Variants in CDH2 observed in about 807,000 individuals in gnomAD.
CDH2 encodes cadherin 2, also known as cadherin-2.
A neutral mutation model predicts 92.0 loss-of-function variants in CDH2; 17 were observed. The ratio of observed to expected loss-of-function variants is 0.18; its 90% CI spans 0.13 to 0.28. CDH2 has a LOEUF of 0.28. Ranked by LOEUF, CDH2 falls within the 10% of genes least tolerant of loss-of-function variation. CDH2 has a pLI of 1.00. For synonymous variants in CDH2, 419 were observed against 415.9 expected (o/e 1.01, Z -0.09); for missense variants, 862 against 1,133.1 (o/e 0.76, Z 3.44).
downstream of CDH2, among the ~76,000 whole-genome samples, chr18:27,949,472 C>T (rs1368181434): frequency 1.3e-5 from 2 of 151,380 alleles, no homozygotes; most frequent in Non-Finnish European, 3.0e-5. Flanking sequence ...GGAAATGGTT[C>T]AATAAAACTA....
chr18:27,947,126 C>T (rs547791843), downstream of CDH2, among the ~76,000 whole-genome samples: 3 of 151,486 alleles, frequency 2.0e-5, no homozygotes, highest in South Asian at 2.1e-4. Flanking sequence ...CATTAATTGC[C>T]GTTATGATTG....
In CDH2 at chr18:27,952,172, T is replaced by C. The variant is rs1909488146; in HGVS notation, c.2702A>G (p.Tyr901Cys). ...TGAAGTTCAGTCATCACCTCCACCA[T>C]ACATGTCAGCAAGTTTCTTGAACCG... is the stretch of plus-strand genomic sequence containing the variant. Reference protein sequence around the residue: ...GPRFKKLADMYGGGDD With the variant: ...GPRFKKLADMCGGGDD Residue 901 changes from tyrosine (Y) to cysteine (C), a missense_variant, in exon 16 of 16, where the codon TAT becomes TGT. Tyr to Cys is a radical substitution (Grantham distance 194). This residue lies in a region of CDH2 where 114 missense variants were observed against 144.8 expected (regional missense o/e 0.79). Coordinates refer to ENST00000269141, the MANE Select transcript of CDH2 (RefSeq NM_001792.5). The C allele has an allele frequency of 6.2e-7, 1 of 1,613,448 alleles. No homozygotes were observed. Among genetic ancestry groups the C allele is most frequent in the Admixed American group, 1.7e-5 (1 of 59,960 alleles).
chr18:28,133,754 T>C lies in CDH2; in HGVS notation c.172+13919A>G, dbSNP rs544554102. 1.5e-3 allele frequency among the ~76,000 whole-genome samples: 231 copies of C among 152,142 alleles called. 1 individual carries two copies. Among genetic ancestry groups the C allele is most frequent in the African/African-American group, 4.3e-3 (177 of 41,506 alleles). ...AGTATTCTGGGGCAAACAAGAAGATTTATATTTTTATATCTGTATTTGTGC... is the reference window on the plus strand; with the variant it reads ...AGTATTCTGGGGCAAACAAGAAGATCTATATTTTTATATCTGTATTTGTGC... On this transcript the variant is annotated intron_variant, in intron 2 of 15. Transcript: ENST00000269141.
At chr18:28,025,820 A>G (rs1320043968) in intron 2 of CDH2, among the ~76,000 whole-genome samples, 2 of 152,074 alleles carry the variant, frequency 1.3e-5, no homozygotes, top group Non-Finnish European at 2.9e-5. Context: ...AGTAGTGCAT[A>G]TACGATTTTG....
intron 1 of CDH2, among the ~76,000 whole-genome samples, chr18:28,156,466 C>CATGTCACCTTCCCAGGTATAGA (rs2016214813): frequency 1.7e-5 from 1 of 59,836 alleles, no homozygotes; most frequent in African/African-American, 5.2e-5. Context: ...CCAGGTACAG[C>CATGTCACCTTCCCAGGTATAGA]ATGTCACCTT....
At chr18:27,973,510 T>A (rs1252012546) in intron 14 of CDH2, among the ~76,000 whole-genome samples, 1 of 152,186 alleles carries the variant, frequency 6.6e-6, no homozygotes, top group Non-Finnish European at 1.5e-5. Context: ...CAGTGTTGTA[T>A]TTCATGAGCT....
At chr18:28,036,396 T>C (rs1375645307) in intron 2 of CDH2, 1 of 785,516 alleles carries the variant, frequency 1.3e-6, no homozygotes, top group Non-Finnish European at 2.3e-6. Context: ...ATAAGTCTTC[T>C]CATTTTATGT....
intron 2 of CDH2, among the ~76,000 whole-genome samples, chr18:28,067,158 T>A (rs534748141): frequency 6.6e-6 from 1 of 152,344 alleles, no homozygotes; most frequent in African/African-American, 2.4e-5. Flanking sequence ...TTTTTGTGTT[T>A]TGGGTTTTGT....
At chr18:27,994,970 T>G (rs993652027) in intron 7 of CDH2, among the ~76,000 whole-genome samples, 2 of 152,178 alleles carry the variant, frequency 1.3e-5, no homozygotes, top group African/African-American at 4.8e-5. Context: ...ATAATGTTGG[T>G]TGAGTCATTT....
chr18:28,127,202 GA>G (rs1315894291), intron 2 of CDH2, among the ~76,000 whole-genome samples: 1 of 151,434 alleles, frequency 6.6e-6, no homozygotes, highest in South Asian at 2.1e-4. Flanking sequence ...TTCTTTTGTA[GA>G]AAAAAAAACT....
intron 2 of CDH2, among the ~76,000 whole-genome samples, chr18:28,033,233 C>T (rs1359965874): frequency 1.3e-5 from 2 of 152,056 alleles, no homozygotes; most frequent in African/African-American, 4.8e-5. Context: ...AGCAGTTCTT[C>T]CCTCAATGCC....
At chr18:27,996,975 A>G (rs764875317) in intron 7 of CDH2, among the ~76,000 whole-genome samples, 2 of 152,220 alleles carry the variant, frequency 1.3e-5, no homozygotes, top group Non-Finnish European at 2.9e-5. Flanking sequence ...TCCTCATACT[A>G]TGAGTCACTT....
intron 1 of CDH2, among the ~76,000 whole-genome samples, chr18:28,166,149 C>CATATATATACATATATAT (rs1555648242): frequency 1.7e-5 from 1 of 59,292 alleles, no homozygotes; most frequent in East Asian, 5.1e-4. Context: ...CAGACACACT[C>CATATATATACATATATAT]ATATATATAT....
At chr18:28,027,023 T>A (rs2013571090) in intron 2 of CDH2, among the ~76,000 whole-genome samples, 1 of 152,042 alleles carries the variant, frequency 6.6e-6, no homozygotes, top group Admixed American at 6.6e-5. Context: ...TTCTGGTAAT[T>A]ATGAAAGAAC....
At chr18:28,086,148 C>G (rs933120513) in intron 2 of CDH2, among the ~76,000 whole-genome samples, 1 of 152,068 alleles carries the variant, frequency 6.6e-6, no homozygotes, top group Non-Finnish European at 1.5e-5. Flanking sequence ...TCTGGAACAA[C>G]CTAGTTTGCA....
intron 2 of CDH2, among the ~76,000 whole-genome samples, chr18:28,090,077 A>G (rs2015008222): frequency 6.6e-6 from 1 of 152,242 alleles, no homozygotes; most frequent in African/African-American, 2.4e-5. Flanking sequence ...TTGGAGATCA[A>G]TTAGTCTGGT....
intron 2 of CDH2, among the ~76,000 whole-genome samples, chr18:28,073,041 C>A (rs1313798922): frequency 1.3e-5 from 2 of 151,966 alleles, no homozygotes; most frequent in East Asian, 3.9e-4. Context: ...GACGGTGGCA[C>A]AGAATTTTTT....
At chr18:28,019,547 C>T (rs563972900) in intron 2 of CDH2, among the ~76,000 whole-genome samples, 2 of 151,990 alleles carry the variant, frequency 1.3e-5, no homozygotes, top group Admixed American at 1.3e-4. Context: ...TTGCAAAAAA[C>T]GCATTTGCAA....
intron 2 of CDH2, among the ~76,000 whole-genome samples, chr18:28,116,661 T>C (rs188388198): frequency 6.6e-6 from 1 of 152,288 alleles, no homozygotes; most frequent in African/African-American, 2.4e-5. Flanking sequence ...AAGGTTTTTA[T>C]ACAAAACCAG....
Sources: allele counts gnomAD v4.1 joint callset (sites outside exome capture counted in the v4.1 genomes callset), GRCh38; gene constraint gnomAD v4.1.1; regional missense constraint gnomAD v4.1.1; transcripts MANE v1.5; gene names NCBI Gene and HGNC (gene_info 2026-07-23, HGNC 2026-07-21).